Variants in XRCC4 observed in about 807,000 individuals in gnomAD.
The protein encoded by XRCC4 is X-ray repair cross complementing 4, also known as DNA repair protein XRCC4.
A neutral mutation model predicts 39.1 loss-of-function variants in XRCC4; 28 were observed. The observed-to-expected ratio is 0.72, with a 90% confidence interval of 0.53 to 0.98. The LOEUF is 0.98. Ranked by LOEUF, XRCC4 falls within the 50% of genes least tolerant of loss-of-function variation. The pLI, the probability that XRCC4 is intolerant of heterozygous loss-of-function variation, is 0.00. For synonymous variants in XRCC4, 123 were observed against 126.4 expected, an observed-to-expected ratio of 0.97 and a Z score of 0.18; for missense variants, 350 against 376.4, an observed-to-expected ratio of 0.93 and a Z score of 0.58.
chr5:83,304,726 T>A (rs1418362287), intron 7 of XRCC4, among the ~76,000 whole-genome samples: 3 of 76,620 alleles, frequency 3.9e-5, no homozygotes, highest in Non-Finnish European at 1.5e-4. Context: ...TTCCATGTTA[T>A]TGATTTTTTC....
chr5:83,183,450 GTGT>G (rs1750295760), intron 3 of XRCC4, among the ~76,000 whole-genome samples: 2 of 145,082 alleles, frequency 1.4e-5, no homozygotes, highest in Non-Finnish European at 3.0e-5. Flanking sequence ...GTGTGTGTGT[GTGT>G]GGCACATCAA....
chr5:83,120,406 T>C (rs532782473), intron 3 of XRCC4, among the ~76,000 whole-genome samples: 1 of 152,358 alleles, frequency 6.6e-6, no homozygotes, highest in South Asian at 2.1e-4. Flanking sequence ...CAAGCCTCTT[T>C]GCAGTCAGGC....
chr5:83,365,152 T>G, the XRCC4 span, among the ~76,000 whole-genome samples: 1 of 152,152 alleles, frequency 6.6e-6, no homozygotes, highest in Non-Finnish European at 1.5e-5. Flanking sequence ...CTTACTGTAC[T>G]GTAAATTTGC....
chr5:83,342,030 A>G (rs1580531708), intron 7 of XRCC4, among the ~76,000 whole-genome samples: 1 of 152,348 alleles, frequency 6.6e-6, no homozygotes, highest in Middle Eastern at 3.4e-3. Context: ...ACTTTCCACC[A>G]ACGTGACAGT....
chr5:83,253,706 T>A (rs1753416854), intron 6 of XRCC4, among the ~76,000 whole-genome samples: 1 of 152,038 alleles, frequency 6.6e-6, no homozygotes, highest in South Asian at 2.1e-4. Context: ...ACCTGAAAAA[T>A]GATTTATAAA....
intron 3 of XRCC4, among the ~76,000 whole-genome samples, chr5:83,175,763 C>A (rs557495607): frequency 1.3e-5 from 2 of 152,276 alleles, no homozygotes; most frequent in Admixed American, 6.5e-5. Flanking sequence ...CATGCACCAC[C>A]ATGCCTGATT....
intron 3 of XRCC4, among the ~76,000 whole-genome samples, chr5:83,113,623 C>CTTT (rs200720410): frequency 6.9e-6 from 1 of 144,078 alleles, no homozygotes. Flanking sequence ...ACATTTCTTT[C>CTTT]TTTTTTTTTT....
intron 3 of XRCC4, among the ~76,000 whole-genome samples, chr5:83,142,765 T>C (rs1472838202): frequency 1.3e-5 from 2 of 152,224 alleles, no homozygotes; most frequent in Admixed American, 6.5e-5. Flanking sequence ...ACTATGTAGA[T>C]GACATCTCAG....
intron 7 of XRCC4, among the ~76,000 whole-genome samples, chr5:83,266,531 A>C (rs1753961210): frequency 6.6e-6 from 1 of 151,916 alleles, no homozygotes; most frequent in South Asian, 2.1e-4. Context: ...GATAAACCTA[A>C]GAAATTAAAA....
intron 3 of XRCC4, among the ~76,000 whole-genome samples, chr5:83,169,606 T>A (rs1002711615): frequency 3.3e-5 from 5 of 152,204 alleles, no homozygotes; most frequent in African/African-American, 9.7e-5. Context: ...GCCATCCTTT[T>A]ACTAAGCTAG....
chr5:83,125,800 T>C (rs1278149790), intron 3 of XRCC4, among the ~76,000 whole-genome samples: 1 of 152,058 alleles, frequency 6.6e-6, no homozygotes, highest in Non-Finnish European at 1.5e-5. Flanking sequence ...CTGAATAACA[T>C]GGTGAAGCTC....
At position 83,132,351 on chromosome 5, in the gene XRCC4, T is replaced by C. The variant is rs555121881; in HGVS notation, c.315+21148T>C. On this transcript the variant is annotated intron_variant, in intron 3 of 7. Transcript: ENST00000396027. ...TTTCAACTTCGGTGAATCTGACAAT[T>C]ATGTGTCTTGGTGTTGCTGTTCTCG... Among the ~76,000 whole-genome samples, 9 of 152,234 alleles carry C rather than the reference T, an allele frequency of 5.9e-5. No homozygotes were observed. In the East Asian group the frequency reaches 1.7e-3, roughly 30 times the overall value.
chr5:83,333,877 C>T (rs900411455), intron 7 of XRCC4, among the ~76,000 whole-genome samples: 3 of 151,770 alleles, frequency 2.0e-5, no homozygotes, highest in African/African-American at 7.3e-5. Context: ...TCAAGCGATT[C>T]CCCTGCCTCA....
At chr5:83,262,869 T>C (rs1753809890) in intron 7 of XRCC4, among the ~76,000 whole-genome samples, 1 of 146,690 alleles carries the variant, frequency 6.8e-6, no homozygotes, top group South Asian at 2.2e-4. Context: ...ATACTTTAAG[T>C]TTCTGGGTAC....
chr5:83,241,001 C>T (rs962806810), intron 6 of XRCC4, among the ~76,000 whole-genome samples: 4 of 152,028 alleles, frequency 2.6e-5, no homozygotes, highest in Admixed American at 1.3e-4. Context: ...TTTGTGAGGC[C>T]GAGACGGGCG....
intron 3 of XRCC4, among the ~76,000 whole-genome samples, chr5:83,184,212 AG>A (rs1272248687): frequency 1.3e-5 from 2 of 152,148 alleles, no homozygotes; most frequent in Non-Finnish European, 2.9e-5. Context: ...TATTTCAATT[AG>A]GAATTTTAAA....
intron 7 of XRCC4, among the ~76,000 whole-genome samples, chr5:83,335,837 GA>G (rs1197395866): frequency 1.3e-5 from 2 of 151,792 alleles, no homozygotes; most frequent in Non-Finnish European, 2.9e-5. Flanking sequence ...TAACATTTCT[GA>G]AAAATCTGTC....
chr5:83,329,231 C>T (rs1272022518), intron 7 of XRCC4, among the ~76,000 whole-genome samples: 2 of 152,026 alleles, frequency 1.3e-5, no homozygotes, highest in Non-Finnish European at 2.9e-5. Flanking sequence ...CTTAAGAGAA[C>T]ATATTCTTAA....
intron 3 of XRCC4, among the ~76,000 whole-genome samples, chr5:83,178,223 T>G (rs1343910641): frequency 1.3e-5 from 2 of 152,020 alleles, no homozygotes; most frequent in Non-Finnish European, 2.9e-5. Context: ...TATGGTAAAT[T>G]TGAGGACCTT....
Sources: gnomAD v4.1 joint callset for allele counts (sites outside exome capture counted in the v4.1 genomes callset) on GRCh38, gnomAD v4.1.1 for gene constraint, MANE v1.5 for transcripts, NCBI Gene and HGNC (gene_info 2026-07-23, HGNC 2026-07-21) for gene names.